The following MAGI2 variants were observed in gnomAD, a reference collection of about 807,000 sequenced individuals.
MAGI2 encodes membrane associated guanylate kinase, WW and PDZ domain containing 2.
Under a neutral mutation model 133.3 loss-of-function variants are expected in MAGI2, and 35 were observed. The ratio of observed to expected loss-of-function variants is 0.26; its 90% CI spans 0.20 to 0.35. The LOEUF (loss-of-function observed/expected upper bound fraction) is 0.35, where lower values mean the gene tolerates loss of function less well. Among genes scored for constraint, MAGI2 ranks in the 10% least tolerant of loss-of-function variants. The pLI is 1.00. For synonymous variants in MAGI2, 729 were observed against 710.6 expected, an observed-to-expected ratio of 1.03 and a Z score of -0.41; for missense variants, 1,636 against 1,863.4, an observed-to-expected ratio of 0.88 and a Z score of 2.25.
At chr7:78,769,299 A>G (rs887393764) in intron 2 of MAGI2, among the ~76,000 whole-genome samples, 84 of 152,238 alleles carry the variant, frequency 5.5e-4, no homozygotes, top group African/African-American at 2.0e-3. Flanking sequence ...CGAAAGTCCA[A>G]ATGTAAGCTG....
chr7:78,659,800 A>T (rs546245240), intron 2 of MAGI2, among the ~76,000 whole-genome samples: 1 of 152,126 alleles, frequency 6.6e-6, no homozygotes, highest in African/African-American at 2.4e-5. Flanking sequence ...TGGGTAAAGG[A>T]TAAGTAGGAT....
intron 2 of MAGI2, among the ~76,000 whole-genome samples, chr7:78,787,380 T>A (rs1826923683): frequency 1.3e-5 from 2 of 152,288 alleles, no homozygotes; most frequent in South Asian, 4.1e-4. Flanking sequence ...GGAATAAAGA[T>A]CTGCTTTGGG....
intron 13 of MAGI2, among the ~76,000 whole-genome samples, chr7:78,178,386 A>G (rs1318515301): frequency 1.3e-5 from 2 of 152,190 alleles, no homozygotes; most frequent in African/African-American, 2.4e-5. Flanking sequence ...TGATGCCTTT[A>G]TAATTCTTGA....
At chr7:78,383,267 A>G (rs1403101796) in intron 6 of MAGI2, among the ~76,000 whole-genome samples, 1 of 152,084 alleles carries the variant, frequency 6.6e-6, no homozygotes, top group Non-Finnish European at 1.5e-5. Flanking sequence ...CATCCTCACC[A>G]ACATCTGGTA....
At chr7:78,681,844 C>T (rs537961346) in intron 2 of MAGI2, among the ~76,000 whole-genome samples, 40 of 152,220 alleles carry the variant, frequency 2.6e-4, no homozygotes, top group Non-Finnish European at 5.3e-4. Context: ...AAATGTGTTT[C>T]TCATAAAAAC....
At chr7:79,193,884 G>C (rs764752592) in intron 1 of MAGI2, among the ~76,000 whole-genome samples, 2 of 151,876 alleles carry the variant, frequency 1.3e-5, no homozygotes, top group African/African-American at 2.4e-5. Flanking sequence ...GAGGATATGG[G>C]AAGAAGAGGG....
At chr7:79,150,723 A>G (rs1823134231) in intron 1 of MAGI2, among the ~76,000 whole-genome samples, 1 of 151,804 alleles carries the variant, frequency 6.6e-6, no homozygotes, top group South Asian at 2.1e-4. Flanking sequence ...CTTCTTTTTC[A>G]TCAATTCAAA....
chr7:78,640,829 G>C (rs750101291), intron 2 of MAGI2, among the ~76,000 whole-genome samples: 2 of 152,228 alleles, frequency 1.3e-5, no homozygotes, highest in Admixed American at 6.5e-5. Context: ...ACTAGGCTAT[G>C]GGGCATTAGT....
intron 1 of MAGI2, among the ~76,000 whole-genome samples, chr7:79,360,165 A>T (rs1842293146): frequency 6.6e-6 from 1 of 152,196 alleles, no homozygotes; most frequent in African/African-American, 2.4e-5. Context: ...GAATCACTAT[A>T]TTTTGTAAGT....
intron 6 of MAGI2, among the ~76,000 whole-genome samples, chr7:78,461,928 A>AG (rs1229906822): frequency 7.7e-6 from 1 of 129,420 alleles, no homozygotes. Flanking sequence ...AAAAAAAAAA[A>AG]AAAAAAAAAA....
rs1821977248 is a variant in MAGI2, at chr7:78,135,137, C to T, written c.2915G>A (p.Gly972Glu). The T allele has an allele frequency of 1.2e-6, 2 of 1,614,120 alleles. No individual in the cohort carries two copies. The highest frequency in any genetic ancestry group is 1.3e-5 in the African/African-American group (1 of 75,022). ...GCCATTCACTGCTAGGATCCGGTCTCCCACTTTTAGTTTTGCACAGCGATC... is the reference window on the plus strand; with the variant it reads ...GCCATTCACTGCTAGGATCCGGTCTTCCACTTTTAGTTTTGCACAGCGATC... ...PADRCAKLKV[G>E]DRILAVNGQS... Residue 972 changes from glycine to glutamate, a missense_variant, in exon 17 of 22, where the codon GGA becomes GAA. Gly to Glu is a moderately conservative substitution (Grantham distance 98). Coordinates refer to ENST00000354212, the MANE Select transcript of MAGI2 (RefSeq NM_012301.4).
intron 9 of MAGI2, among the ~76,000 whole-genome samples, chr7:78,317,614 T>C (rs913332148): frequency 1.3e-5 from 2 of 152,332 alleles, no homozygotes; most frequent in African/African-American, 4.8e-5. Flanking sequence ...GCAGCGGATC[T>C]CCCAGCACAG....
chr7:78,408,641 T>C (rs1797601672), intron 6 of MAGI2, among the ~76,000 whole-genome samples: 1 of 152,096 alleles, frequency 6.6e-6, no homozygotes, highest in Non-Finnish European at 1.5e-5. Flanking sequence ...TCTAGCCACA[T>C]GTGGCTACTG....
chr7:78,161,884 G>T (rs986518851), intron 15 of MAGI2, among the ~76,000 whole-genome samples: 2 of 152,202 alleles, frequency 1.3e-5, no homozygotes, highest in African/African-American at 4.8e-5. Flanking sequence ...CTTTTTGTAA[G>T]AAATGTACCG....
chr7:78,649,866 G>GC (rs1476179543), intron 2 of MAGI2, among the ~76,000 whole-genome samples: 1 of 150,952 alleles, frequency 6.6e-6, no homozygotes, highest in East Asian at 2.0e-4. Context: ...TCGCATGAAA[G>GC]TGCTGAGGAT....
At chr7:79,317,108 T>C (rs1377860364) in intron 1 of MAGI2, among the ~76,000 whole-genome samples, 3 of 149,738 alleles carry the variant, frequency 2.0e-5, no homozygotes, top group African/African-American at 7.4e-5. Flanking sequence ...CTGCAACTTC[T>C]GCCTCCCCGG....
intron 1 of MAGI2, among the ~76,000 whole-genome samples, chr7:79,201,450 A>G (rs7798423): frequency 0.11 from 17,056 of 151,940 alleles, 2,100 homozygotes; most frequent in African/African-American, 0.29. Flanking sequence ...ATGTCCTTCA[A>G]TATCAATCTT....
At chr7:78,058,478 C>CCTT (rs1812879504) in intron 21 of MAGI2, among the ~76,000 whole-genome samples, 2 of 146,800 alleles carry the variant, frequency 1.4e-5, no homozygotes, top group Non-Finnish European at 3.0e-5. Context: ...CTTAAAATTC[C>CCTT]TTTTTTTTTT....
At chr7:78,206,330 T>G (rs1213044821) in intron 10 of MAGI2, among the ~76,000 whole-genome samples, 1 of 149,530 alleles carries the variant, frequency 6.7e-6, no homozygotes, top group Non-Finnish European at 1.5e-5. Flanking sequence ...CTTGCTCTGT[T>G]GCCTAGGCTG....
Sources: allele counts gnomAD v4.1 joint callset (sites outside exome capture counted in the v4.1 genomes callset), GRCh38; gene constraint gnomAD v4.1.1; transcripts MANE v1.5; gene names NCBI Gene and HGNC (gene_info 2026-07-23, HGNC 2026-07-21).